AP3B1: variants seen among roughly 807,000 people sequenced by gnomAD.
AP3B1 encodes the protein AP-3 complex subunit beta-1.
In AP3B1, 61 loss-of-function variants were observed where a neutral mutation model predicts 132.5. The ratio of observed to expected loss-of-function variants is 0.46; its 90% CI spans 0.37 to 0.57. The LOEUF (loss-of-function observed/expected upper bound fraction) is 0.57. AP3B1 is among the 20% of genes least tolerant of loss of function. The probability of loss-of-function intolerance (pLI) is 0.00; values close to 1 mark genes in which losing one functional copy is unlikely to be tolerated. For synonymous variants in AP3B1, 388 were observed against 438.3 expected, an observed-to-expected ratio of 0.89 and a Z score of 1.43; for missense variants, 1,120 against 1,289.4, an observed-to-expected ratio of 0.87 and a Z score of 2.01.
At chr5:78,195,982 GATACA>G (rs1480722239) in intron 7 of AP3B1, among the ~76,000 whole-genome samples, 1 of 152,096 alleles carries the variant, frequency 6.6e-6, no homozygotes, top group African/African-American at 2.4e-5. Context: ...GCAACTTTTA[GATACA>G]ATACAAAAGA....
chr5:78,005,984 A>G (rs1312756385), intron 26 of AP3B1, among the ~76,000 whole-genome samples: 1 of 152,244 alleles, frequency 6.6e-6, no homozygotes. Context: ...AATGGCTGAC[A>G]TCAGAACCTC....
chr5:78,134,895 TG>T (rs2112313177), intron 15 of AP3B1, among the ~76,000 whole-genome samples: 1 of 152,340 alleles, frequency 6.6e-6, no homozygotes, highest in African/African-American at 2.4e-5. Flanking sequence ...GTGACTTAGA[TG>T]TAATTTCTGA....
intron 12 of AP3B1, among the ~76,000 whole-genome samples, chr5:78,163,818 T>C (rs78359330): frequency 0.015 from 2,259 of 151,900 alleles, 69 homozygotes; most frequent in African/African-American, 0.049. Context: ...AAAGCTTCTA[T>C]TGTTTACAGA....
chr5:78,113,563 T>C (rs1751685976), intron 19 of AP3B1, among the ~76,000 whole-genome samples, 189 bp downstream of exon 19: 1 of 152,184 alleles, frequency 6.6e-6, no homozygotes, highest in Non-Finnish European at 1.5e-5. Context: ...AAGTTCAAAA[T>C]GAAAGCTAAG....
intron 21 of AP3B1, among the ~76,000 whole-genome samples, chr5:78,098,202 T>C (rs551529116): frequency 6.6e-6 from 1 of 152,000 alleles, no homozygotes; most frequent in East Asian, 1.9e-4. Flanking sequence ...CTTGTTTATC[T>C]GCTGACCTTC....
intron 24 of AP3B1, among the ~76,000 whole-genome samples, chr5:78,023,628 T>C (rs1285883584): frequency 6.6e-6 from 1 of 152,054 alleles, no homozygotes; most frequent in African/African-American, 2.4e-5. Flanking sequence ...GCAAATCTGG[T>C]GAAGACCTGT....
chr5:78,126,913 T>C, intron 17 of AP3B1, among the ~76,000 whole-genome samples: 1 of 152,228 alleles, frequency 6.6e-6, no homozygotes, highest in East Asian at 1.9e-4. Context: ...TCATCTGCAA[T>C]GTGGGAATAA....
intron 25 of AP3B1, among the ~76,000 whole-genome samples, chr5:78,019,984 C>T (rs1044252588): frequency 3.3e-5 from 5 of 151,844 alleles, no homozygotes; most frequent in African/African-American, 7.3e-5. Context: ...TAAATGTTAT[C>T]GTTAATTAAA....
intron 2 of AP3B1, among the ~76,000 whole-genome samples, chr5:78,255,992 T>A (rs1268219009): frequency 6.6e-6 from 1 of 151,922 alleles, no homozygotes; most frequent in Non-Finnish European, 1.5e-5. Flanking sequence ...GAATGACCAG[T>A]GGGTCAATGA....
At chr5:78,054,655 A>G (rs150174917) in intron 22 of AP3B1, among the ~76,000 whole-genome samples, 2 of 152,310 alleles carry the variant, frequency 1.3e-5, no homozygotes, top group African/African-American at 4.8e-5. Context: ...GCTGTTCTAC[A>G]TATTTCAGAG....
intron 22 of AP3B1, among the ~76,000 whole-genome samples, chr5:78,083,118 C>T (rs923663882): frequency 3.3e-5 from 5 of 152,170 alleles, no homozygotes; most frequent in South Asian, 2.1e-4. Flanking sequence ...CGCCCGGCCA[C>T]GTTGAGAACC....
At chr5:78,288,929 G>GA (rs1205350549) in intron 1 of AP3B1, among the ~76,000 whole-genome samples, 1 of 143,116 alleles carries the variant, frequency 7.0e-6, no homozygotes. Flanking sequence ...ACTAGACCAT[G>GA]AAAAAATGTT....
At chr5:78,099,437 CAAG>C (rs1352323483) in intron 21 of AP3B1, among the ~76,000 whole-genome samples, 2 of 152,076 alleles carry the variant, frequency 1.3e-5, no homozygotes, top group Non-Finnish European at 2.9e-5. Context: ...ATGTGGATAA[CAAG>C]AAGACAGGGG....
intron 20 of AP3B1, 23 bp from the exon 21 acceptor site, chr5:78,101,048 T>C: frequency 1.5e-6 from 2 of 1,358,072 alleles, no homozygotes; most frequent in Non-Finnish European, 2.1e-6. Context: ...AAATATTTCA[T>C]TTATCACACG....
intron 2 of AP3B1, among the ~76,000 whole-genome samples, chr5:78,254,222 C>T (rs1461886261): frequency 6.6e-6 from 1 of 151,822 alleles, no homozygotes; most frequent in Non-Finnish European, 1.5e-5. Flanking sequence ...AGAAAACAGC[C>T]TCAAAAGGGC....
At position 78,225,370 on chromosome 5, in the gene AP3B1, A is replaced by C. The variant is rs191437955; in HGVS notation, c.603+172T>G. Among the ~76,000 whole-genome samples, 401 of 152,178 alleles carry C rather than the reference A, an allele frequency of 2.6e-3. 1 individual carries two copies. Among genetic ancestry groups the C allele is most frequent in the Non-Finnish European group, 4.6e-3 (311 of 67,924 alleles). On this transcript the variant is annotated intron_variant, in intron 6 of 26. Coordinates refer to ENST00000255194, the MANE Select transcript of AP3B1 (RefSeq NM_003664.5). ...CATAACGATCTAAAACTCCAAATGCAGTCTTTCTCATTACATGAAAATTTT... is the reference window on the plus strand; with the variant it reads ...CATAACGATCTAAAACTCCAAATGCCGTCTTTCTCATTACATGAAAATTTT...
At chr5:78,012,964 T>C (rs1746684061) in intron 26 of AP3B1, among the ~76,000 whole-genome samples, 1 of 152,170 alleles carries the variant, frequency 6.6e-6, no homozygotes, top group Admixed American at 6.5e-5. Flanking sequence ...TATACAACTG[T>C]GCTAAGGGTC....
Position 78,156,431 on chromosome 5 carries a change from G to A in AP3B1, c.1364-64C>T, listed in dbSNP as rs4385191. ...ATTCAATTCAAATGCAATATGCTTC[G>A]TAAAATGTAAACTTAAATTAGAAAA... On this transcript the variant is annotated intron_variant, in intron 13 of 26. Transcript: ENST00000255194. 1.2e-3 allele frequency: 1,318 copies of A among 1,141,578 alleles called. 3 individuals carry two copies. Among genetic ancestry groups the A allele is most frequent in the Non-Finnish European group, 1.5e-3 (1,156 of 760,944 alleles). The allele number at this position is 1,141,578 out of a possible 1,614,324, so 70.7% of individuals were successfully genotyped here.
chr5:78,094,593 T>C (rs746735970), intron 21 of AP3B1, among the ~76,000 whole-genome samples: 1 of 152,040 alleles, frequency 6.6e-6, no homozygotes, highest in African/African-American at 2.4e-5. Flanking sequence ...TTTCTGGTAG[T>C]AGCAAGCTCT....
Sources: allele counts gnomAD v4.1 joint callset (sites outside exome capture counted in the v4.1 genomes callset), GRCh38; gene constraint gnomAD v4.1.1; transcripts MANE v1.5; gene names NCBI Gene and HGNC (gene_info 2026-07-23, HGNC 2026-07-21).